Variants in GALNT13 observed in about 807,000 individuals in gnomAD.
GALNT13 encodes UDP-GalNAc:polypeptide N-acetylgalactosaminyltransferase 13.
A neutral mutation model predicts 64.2 loss-of-function variants in GALNT13; 28 were observed. The observed-to-expected ratio is 0.44, with a 90% confidence interval of 0.32 to 0.60. The LOEUF is 0.60. GALNT13 is among the 20% of genes least tolerant of loss of function. GALNT13 has a pLI of 0.05. For synonymous variants in GALNT13, 214 were observed against 224.6 expected (o/e 0.95, Z 0.42); for missense variants, 577 against 669.8 (o/e 0.86, Z 1.53).
At chr2:153,689,501 T>C in the GALNT13 span, among the ~76,000 whole-genome samples, 1 of 152,006 alleles carries the variant, frequency 6.6e-6, no homozygotes. Flanking sequence ...TAATAAGTGT[T>C]TGTCTAATTC....
intron 8 of GALNT13, among the ~76,000 whole-genome samples, chr2:154,299,201 T>A (rs940625493): frequency 7.3e-5 from 11 of 151,428 alleles, no homozygotes; most frequent in Non-Finnish European, 1.6e-4. Flanking sequence ...TATGCAAAGA[T>A]AGGCATAATC....
intron 4 of GALNT13, among the ~76,000 whole-genome samples, chr2:154,206,329 T>A (rs1687450972): frequency 6.6e-6 from 1 of 151,930 alleles, no homozygotes; most frequent in African/African-American, 2.4e-5. Context: ...GTAGGAAAAA[T>A]TTTGTTTTTG....
At chr2:154,131,182 G>T (rs1463996767) in intron 3 of GALNT13, among the ~76,000 whole-genome samples, 1 of 152,106 alleles carries the variant, frequency 6.6e-6, no homozygotes, top group African/African-American at 2.4e-5. Flanking sequence ...CACTTTAAAA[G>T]TTGGGTCAAT....
chr2:154,016,899 G>T (rs749866056), intron 3 of GALNT13, among the ~76,000 whole-genome samples: 4 of 152,124 alleles, frequency 2.6e-5, no homozygotes, highest in Admixed American at 1.3e-4. Flanking sequence ...AGGGATTTTT[G>T]TTGTTGTTGC....
At chr2:153,516,492 A>G in the GALNT13 span, among the ~76,000 whole-genome samples, 2 of 152,164 alleles carry the variant, frequency 1.3e-5, no homozygotes, top group African/African-American at 4.8e-5. Flanking sequence ...GGTTAAAAAG[A>G]GAAGTAGAAA....
At chr2:154,430,925 A>T (rs751508922) in intron 11 of GALNT13, among the ~76,000 whole-genome samples, 48 of 152,186 alleles carry the variant, frequency 3.2e-4, no homozygotes, top group Non-Finnish European at 3.7e-4. Context: ...TAATTAAGGA[A>T]TATACATTGT....
chr2:153,291,382 G>A, the GALNT13 span, among the ~76,000 whole-genome samples: 1 of 152,154 alleles, frequency 6.6e-6, no homozygotes, highest in Admixed American at 6.5e-5. Context: ...ACTAATTCAT[G>A]GGAGTTGGGG....
intron 4 of GALNT13, among the ~76,000 whole-genome samples, chr2:154,156,218 T>A (rs1684413112): frequency 6.6e-6 from 1 of 152,044 alleles, no homozygotes; most frequent in Non-Finnish European, 1.5e-5. Context: ...GTGATTGTTT[T>A]ATCATCATAC....
the GALNT13 span, among the ~76,000 whole-genome samples, chr2:153,574,135 T>A: frequency 6.6e-6 from 1 of 151,884 alleles, no homozygotes; most frequent in Non-Finnish European, 1.5e-5. Flanking sequence ...TAAAGTTTTT[T>A]TTTTTTTTTT....
chr2:154,011,296 C>G (rs1047709551), intron 3 of GALNT13, among the ~76,000 whole-genome samples: 9 of 152,006 alleles, frequency 5.9e-5, no homozygotes, highest in African/African-American at 1.9e-4. Context: ...TCACTGTTTT[C>G]AAAGAAATTC....
chr2:153,299,644 TG>T, the GALNT13 span, among the ~76,000 whole-genome samples: 2 of 152,100 alleles, frequency 1.3e-5, no homozygotes, highest in Admixed American at 1.3e-4. Flanking sequence ...GAAAACCCAA[TG>T]GGAAGCCAAA....
intron 3 of GALNT13, among the ~76,000 whole-genome samples, chr2:154,022,069 A>T (rs1043831704): frequency 6.6e-6 from 1 of 151,996 alleles, no homozygotes; most frequent in African/African-American, 2.4e-5. Context: ...GATCATGGTG[A>T]ATAAGCTTTT....
chr2:153,604,587 G>A, the GALNT13 span, among the ~76,000 whole-genome samples: 2 of 151,826 alleles, frequency 1.3e-5, no homozygotes, highest in Non-Finnish European at 2.9e-5. Flanking sequence ...GGAAAATATT[G>A]GACATACTTA....
At chr2:154,018,747 G>A (rs1408443086) in intron 3 of GALNT13, among the ~76,000 whole-genome samples, 1 of 151,386 alleles carries the variant, frequency 6.6e-6, no homozygotes, top group Non-Finnish European at 1.5e-5. Flanking sequence ...AGAGGGCGAG[G>A]GAATGAGGGA....
chr2:153,678,859 T>C, the GALNT13 span, among the ~76,000 whole-genome samples: 1 of 152,012 alleles, frequency 6.6e-6, no homozygotes, highest in African/African-American at 2.4e-5. Flanking sequence ...CTTAGCTAAA[T>C]TGGAACTACA....
the GALNT13 span, among the ~76,000 whole-genome samples, chr2:153,499,582 C>T: frequency 1.3e-5 from 2 of 152,152 alleles, no homozygotes; most frequent in South Asian, 2.1e-4. Context: ...CTTTTCATGC[C>T]GAGGAATGCC....
chr2:153,497,573 C>CGTCTCCCA, the GALNT13 span, among the ~76,000 whole-genome samples: 1 of 106,520 alleles, frequency 9.4e-6, no homozygotes, highest in Non-Finnish European at 1.7e-5. Flanking sequence ...AGTTTCACTC[C>CGTCTCCCA]GTCTCCCAGG....
At chr2:153,846,671 T>G in the GALNT13 span, among the ~76,000 whole-genome samples, 1 of 152,120 alleles carries the variant, frequency 6.6e-6, no homozygotes, top group Non-Finnish European at 1.5e-5. Context: ...ACAGTTTAAC[T>G]CATGAGTGAA....
At chr2:153,376,385 C>A in the GALNT13 span, among the ~76,000 whole-genome samples, 1 of 152,008 alleles carries the variant, frequency 6.6e-6, no homozygotes, top group Non-Finnish European at 1.5e-5. Flanking sequence ...TCACTTAGGG[C>A]CTTTCAAAGA....
Sources: allele counts gnomAD v4.1 joint callset (sites outside exome capture counted in the v4.1 genomes callset), GRCh38; gene constraint gnomAD v4.1.1; transcripts MANE v1.5; gene names NCBI Gene and HGNC (gene_info 2026-07-23, HGNC 2026-07-21).